The following DNER variants were observed in gnomAD, a reference collection of about 807,000 sequenced individuals.
DNER encodes the protein delta/notch like EGF repeat containing, also known as delta and Notch-like epidermal growth factor-related receptor.
DNER carries 33 observed loss-of-function variants against 78.2 expected under a neutral mutation model. The ratio of observed to expected loss-of-function variants is 0.42; its 90% confidence interval spans 0.32 to 0.56. The LOEUF is 0.56. Ranked by LOEUF, DNER falls within the 20% of genes least tolerant of loss-of-function variation. The probability of loss-of-function intolerance (pLI) is 0.11; values close to 1 mark genes in which losing one functional copy is unlikely to be tolerated. For missense variants in DNER, 918 were observed against 975.3 expected (o/e 0.94, Z 0.78); for synonymous variants, 417 against 384.8 (o/e 1.08, Z -0.98).
chr2:229,469,764 G>A (rs987574262), intron 7 of DNER, among the ~76,000 whole-genome samples: 4 of 152,176 alleles, frequency 2.6e-5, no homozygotes, highest in Admixed American at 6.5e-5. Context: ...CCAACATGGC[G>A]AAATCCCGTC....
intron 1 of DNER, among the ~76,000 whole-genome samples, chr2:229,646,280 T>C (rs1698716854): frequency 6.6e-6 from 1 of 152,200 alleles, no homozygotes; most frequent in Non-Finnish European, 1.5e-5. Flanking sequence ...AGCATATTGC[T>C]TGGATTGCCA....
At chr2:229,599,871 T>C (rs1697795167) in intron 1 of DNER, among the ~76,000 whole-genome samples, 1 of 152,142 alleles carries the variant, frequency 6.6e-6, no homozygotes, top group Non-Finnish European at 1.5e-5. Context: ...AAATGTTATG[T>C]ATTTATTTGT....
chr2:229,697,740 G>C (rs208785), intron 1 of DNER, among the ~76,000 whole-genome samples: 126,240 of 152,212 alleles, frequency 0.83, 52,703 homozygotes, highest in East Asian at 0.94. Context: ...TTTCTCATTA[G>C]GAGTTTACAC....
chr2:229,602,024 T>C (rs1198395926), intron 1 of DNER, among the ~76,000 whole-genome samples: 2 of 152,058 alleles, frequency 1.3e-5, no homozygotes, highest in Non-Finnish European at 2.9e-5. Context: ...TTTTAATCAT[T>C]CAAAGACCAA....
In DNER at chr2:229,466,806, T is replaced by A. The variant is rs560305705; in HGVS notation, c.1261+10334A>T. On this transcript the variant is annotated intron_variant, in intron 7 of 12. Coordinates refer to ENST00000341772, the MANE Select transcript of DNER (RefSeq NM_139072.4). ...AGAACATGTAGAGCACACTGTTCAGTTAAAGACACTCATTACAAAAGCGAA... is the reference window on the plus strand; with the variant it reads ...AGAACATGTAGAGCACACTGTTCAGATAAAGACACTCATTACAAAAGCGAA... Among the ~76,000 whole-genome samples, 4 of 152,202 alleles carry A rather than the reference T, an allele frequency of 2.6e-5. No homozygotes were observed. The South Asian group carries it at 8.3e-4, about 32-fold the overall frequency.
intron 4 of DNER, among the ~76,000 whole-genome samples, chr2:229,571,171 T>C (rs1697212498): frequency 6.6e-6 from 1 of 152,006 alleles, no homozygotes; most frequent in African/African-American, 2.4e-5. Context: ...CTGTTGAAGT[T>C]TGAGCCCGAG....
At chr2:229,683,481 T>C (rs1483850201) in intron 1 of DNER, among the ~76,000 whole-genome samples, 1 of 152,110 alleles carries the variant, frequency 6.6e-6, no homozygotes, top group Non-Finnish European at 1.5e-5. Flanking sequence ...AGTTTACAAA[T>C]AGGCTGGTTT....
intron 10 of DNER, among the ~76,000 whole-genome samples, chr2:229,405,508 A>G (rs1471505184): frequency 6.6e-6 from 1 of 152,194 alleles, no homozygotes; most frequent in African/African-American, 2.4e-5. Flanking sequence ...CAAAAGTTGA[A>G]TTGTGGATGG....
intron 5 of DNER, among the ~76,000 whole-genome samples, chr2:229,545,763 C>T (rs1024379303): frequency 2.0e-5 from 3 of 152,152 alleles, no homozygotes; most frequent in East Asian, 1.9e-4. Context: ...TGGAACAGGG[C>T]TCAGGGTTCC....
intron 5 of DNER, among the ~76,000 whole-genome samples, chr2:229,514,298 T>C (rs1038610543): frequency 2.6e-5 from 4 of 152,164 alleles, no homozygotes; most frequent in Non-Finnish European, 5.9e-5. Context: ...GCTTTCTACA[T>C]GACACAAAAC....
chr2:229,671,913 A>G (rs1699216102), intron 1 of DNER, among the ~76,000 whole-genome samples: 1 of 152,220 alleles, frequency 6.6e-6, no homozygotes, highest in African/African-American at 2.4e-5. Flanking sequence ...AAATGTTCAA[A>G]CAATATTAGC....
At chr2:229,501,697 T>A (rs1695627452) in intron 6 of DNER, among the ~76,000 whole-genome samples, 1 of 152,194 alleles carries the variant, frequency 6.6e-6, no homozygotes, top group Non-Finnish European at 1.5e-5. Context: ...ATCAAACTTG[T>A]AATAATTAGA....
chr2:229,686,950 A>G lies in DNER; in HGVS notation c.276+27198T>C, dbSNP rs529153876. On this transcript the variant is annotated intron_variant, in intron 1 of 12. Transcript: ENST00000341772. ...CAAAATCTTTACATAACTTAAAGGTACAAGACTTGACTTTTCAATGTCACT... is the reference window on the plus strand; with the variant it reads ...CAAAATCTTTACATAACTTAAAGGTGCAAGACTTGACTTTTCAATGTCACT... 3.9e-5 allele frequency among the ~76,000 whole-genome samples: 6 copies of G among 152,372 alleles called. No homozygotes were observed. In the Middle Eastern group the frequency reaches 0.017, roughly 432 times the overall value.
At chr2:229,674,874 C>T (rs891198408) in intron 1 of DNER, among the ~76,000 whole-genome samples, 7 of 152,190 alleles carry the variant, frequency 4.6e-5, no homozygotes, top group Non-Finnish European at 1.0e-4. Flanking sequence ...ATACAGATTG[C>T]AAATGGTGAC....
chr2:229,392,562 G>A (rs73098269), intron 10 of DNER, among the ~76,000 whole-genome samples: 4,473 of 152,256 alleles, frequency 0.029, 100 homozygotes, highest in African/African-American at 0.06. Context: ...ACGTGTGTGT[G>A]TGTAACTTGA....
chr2:229,563,782 CAA>C (rs1697028243), intron 4 of DNER, among the ~76,000 whole-genome samples: 1 of 144,710 alleles, frequency 6.9e-6, no homozygotes. Context: ...CCATCATCAT[CAA>C]CATCATCACC....
chr2:229,525,959 C>T (rs1031618325), intron 5 of DNER, among the ~76,000 whole-genome samples: 19 of 151,574 alleles, frequency 1.3e-4, no homozygotes, highest in African/African-American at 3.7e-4. Flanking sequence ...AAGGTCCTAT[C>T]ATTCATCTTA....
At chr2:229,405,182 A>G (rs528297546) in intron 10 of DNER, among the ~76,000 whole-genome samples, 4 of 152,314 alleles carry the variant, frequency 2.6e-5, no homozygotes, top group Admixed American at 6.5e-5. Flanking sequence ...CAACCTTACT[A>G]TAAGTCTAAG....
At chr2:229,485,273 T>G (rs11890081) in intron 6 of DNER, among the ~76,000 whole-genome samples, 8 of 152,080 alleles carry the variant, frequency 5.3e-5, no homozygotes, top group African/African-American at 1.7e-4. Flanking sequence ...TGAGCAATGA[T>G]GTTAGGTGAA....
Sources: allele counts gnomAD v4.1 joint callset (sites outside exome capture counted in the v4.1 genomes callset), GRCh38; gene constraint gnomAD v4.1.1; transcripts MANE v1.5; gene names NCBI Gene and HGNC (gene_info 2026-07-23, HGNC 2026-07-21).